The following FRMD3 variants were observed in gnomAD, a reference collection of about 807,000 sequenced individuals.
FRMD3 encodes the protein FERM domain-containing protein 3.
Under a neutral mutation model 70.2 loss-of-function variants are expected in FRMD3, and 33 were observed. The ratio of observed to expected loss-of-function variants is 0.47; its 90% CI spans 0.36 to 0.63. FRMD3 has a LOEUF of 0.63. FRMD3 is among the 20% of genes least tolerant of loss of function. The probability of loss-of-function intolerance (pLI) is 0.00; values close to 1 mark genes in which losing one functional copy is unlikely to be tolerated. For synonymous variants in FRMD3, 279 were observed against 255.9 expected (o/e 1.09, Z -0.86); for missense variants, 632 against 711.4 (o/e 0.89, Z 1.27).
At chr9:83,430,652 C>A (rs562142946) in intron 1 of FRMD3, among the ~76,000 whole-genome samples, 3 of 152,212 alleles carry the variant, frequency 2.0e-5, no homozygotes, top group South Asian at 4.2e-4. Context: ...CACCAACGAG[C>A]CAGCAAACAT....
chr9:83,376,037 G>C (rs79097516), intron 2 of FRMD3, among the ~76,000 whole-genome samples: 5,573 of 151,948 alleles, frequency 0.037, 180 homozygotes, highest in East Asian at 0.17. Flanking sequence ...GCAGGTGCCT[G>C]TAATCCCAGC....
chr9:83,514,810 C>T (rs775704423), intron 1 of FRMD3, among the ~76,000 whole-genome samples: 2 of 152,192 alleles, frequency 1.3e-5, no homozygotes, highest in Admixed American at 6.5e-5. Flanking sequence ...ACTGGTGATA[C>T]CCAGGCAAAT....
At chr9:83,421,162 G>A (rs989566120) in intron 1 of FRMD3, among the ~76,000 whole-genome samples, 4 of 150,964 alleles carry the variant, frequency 2.6e-5, no homozygotes, top group Non-Finnish European at 5.9e-5. Flanking sequence ...GGATGGTCTC[G>A]ATCTCCTGAC....
chr9:83,330,146 C>T (rs1836196931), intron 6 of FRMD3, among the ~76,000 whole-genome samples: 1 of 151,978 alleles, frequency 6.6e-6, no homozygotes, highest in African/African-American at 2.4e-5. Context: ...GGGTGGATCA[C>T]CTGAGGTTGG....
At chr9:83,345,274 G>C (rs891644105) in intron 4 of FRMD3, among the ~76,000 whole-genome samples, 2 of 138,002 alleles carry the variant, frequency 1.4e-5, no homozygotes, top group Middle Eastern at 7.5e-3. Flanking sequence ...TCCCTAATAA[G>C]TTTCTAATTT....
chr9:83,467,733 C>A, intron 1 of FRMD3: 1 of 1,522,970 alleles, frequency 6.6e-7, no homozygotes, highest in Non-Finnish European at 8.8e-7. Flanking sequence ...TCTCTGGGAG[C>A]TCTAGGGCTC....
At chr9:83,529,380 G>C (rs927709837) in intron 1 of FRMD3, among the ~76,000 whole-genome samples, 1 of 152,108 alleles carries the variant, frequency 6.6e-6, no homozygotes, top group Non-Finnish European at 1.5e-5. Context: ...TTTATTCTGG[G>C]GTGATGAAAA....
chr9:83,419,255 G>A (rs971150529), intron 1 of FRMD3, among the ~76,000 whole-genome samples: 8 of 152,080 alleles, frequency 5.3e-5, no homozygotes, highest in Admixed American at 1.3e-4. Flanking sequence ...CTGTATAACC[G>A]AAAATCACTT....
chr9:83,559,608 C>T, the FRMD3 span, among the ~76,000 whole-genome samples: 1 of 152,080 alleles, frequency 6.6e-6, no homozygotes, highest in Non-Finnish European at 1.5e-5. Flanking sequence ...GAAGGGTGCC[C>T]TAATATTGGC....
intron 1 of FRMD3, among the ~76,000 whole-genome samples, chr9:83,402,464 A>G (rs1302090670): frequency 6.6e-6 from 1 of 151,852 alleles, no homozygotes; most frequent in African/African-American, 2.4e-5. Flanking sequence ...GATGGGGCCA[A>G]GCAGCCTAAC....
At chr9:83,312,846 C>T (rs1192265416) in intron 7 of FRMD3, among the ~76,000 whole-genome samples, 1 of 151,830 alleles carries the variant, frequency 6.6e-6, no homozygotes, top group African/African-American at 2.4e-5. Flanking sequence ...ATGAAGCTCT[C>T]CAGGTGTTTC....
the FRMD3 span, among the ~76,000 whole-genome samples, chr9:83,581,892 G>A: frequency 2.0e-5 from 3 of 152,134 alleles, no homozygotes; most frequent in Admixed American, 2.0e-4. Flanking sequence ...CAGAGTGGTT[G>A]GGGAGAAATG....
intron 1 of FRMD3, among the ~76,000 whole-genome samples, chr9:83,466,760 C>T (rs1401523352): frequency 1.3e-5 from 2 of 152,154 alleles, no homozygotes; most frequent in Non-Finnish European, 2.9e-5. Flanking sequence ...GTTTAGAATT[C>T]GGCAATTCCA....
intron 1 of FRMD3, among the ~76,000 whole-genome samples, chr9:83,507,812 G>C (rs2131525391): frequency 7.0e-6 from 1 of 142,200 alleles, no homozygotes; most frequent in African/African-American, 2.6e-5. Context: ...AGTAGAAGGA[G>C]TACACTCCAA....
At chr9:83,438,829 T>C (rs765051418) in intron 1 of FRMD3, among the ~76,000 whole-genome samples, 2 of 152,200 alleles carry the variant, frequency 1.3e-5, no homozygotes, top group Non-Finnish European at 2.9e-5. Context: ...GTTCTGTGCG[T>C]CCTACAGCTG....
chr9:83,584,820 G>A, the FRMD3 span, among the ~76,000 whole-genome samples: 1 of 152,144 alleles, frequency 6.6e-6, no homozygotes, highest in African/African-American at 2.4e-5. Flanking sequence ...TGCAACAGCT[G>A]TCTGATCCGT....
At chr9:83,271,671 G>T (rs1833556541) in intron 13 of FRMD3, among the ~76,000 whole-genome samples, 2 of 152,206 alleles carry the variant, frequency 1.3e-5, no homozygotes, top group South Asian at 2.1e-4. Flanking sequence ...AAATGCATAA[G>T]ATGCTTTGGC....
intron 1 of FRMD3, among the ~76,000 whole-genome samples, chr9:83,507,687 C>CACACATAT (rs1374507996): frequency 2.1e-5 from 1 of 46,898 alleles, no homozygotes; most frequent in Non-Finnish European, 4.8e-5. Context: ...AAAAAATATA[C>CACACATAT]ATACATATAT....
chr9:83,296,381 C>T (rs1834662531), intron 12 of FRMD3, among the ~76,000 whole-genome samples: 1 of 152,184 alleles, frequency 6.6e-6, no homozygotes. Context: ...TCATCCCATA[C>T]TCCTAGCTCA....
Sources: gnomAD v4.1 joint callset for allele counts (sites outside exome capture counted in the v4.1 genomes callset) on GRCh38, gnomAD v4.1.1 for gene constraint, MANE v1.5 for transcripts, NCBI Gene and HGNC (gene_info 2026-07-23, HGNC 2026-07-21) for gene names.